The following CSGALNACT1 variants were observed in gnomAD, a reference collection of about 807,000 sequenced individuals.
CSGALNACT1 encodes the protein chondroitin sulfate N-acetylgalactosaminyltransferase 1.
Under a neutral mutation model 51.0 loss-of-function variants are expected in CSGALNACT1, and 52 were observed. The ratio of observed to expected loss-of-function variants is 1.02; its 90% CI spans 0.82 to 1.29. The LOEUF (loss-of-function observed/expected upper bound fraction) is 1.29, where lower values mean the gene tolerates loss of function less well. Ranked by LOEUF, CSGALNACT1 falls within the 50% of genes most tolerant of loss-of-function variation. CSGALNACT1 has a pLI of 0.00. For missense variants in CSGALNACT1, 935 were observed against 679.2 expected (o/e 1.38, Z -4.19); for synonymous variants, 341 against 254.4 (o/e 1.34, Z -3.24).
chr8:19,632,607 C>T (rs2055430347), intron 1 of CSGALNACT1, among the ~76,000 whole-genome samples: 1 of 152,232 alleles, frequency 6.6e-6, no homozygotes, highest in Non-Finnish European at 1.5e-5. Flanking sequence ...TCACTGCAGC[C>T]ATCCCTGTAT....
Position 19,476,518 on chromosome 8 carries a change from A to G in CSGALNACT1, c.635-17876T>C, listed in dbSNP as rs535579039. The stretch of plus-strand genomic sequence containing the variant: ...CACCCTCCCAAAGTGCTGGGGTTAC[A>G]TGTGTGAGTCACCACATCCAGCCTC... On this transcript the variant is annotated intron_variant, in intron 4 of 9. Transcript: ENST00000454498. Among the ~76,000 whole-genome samples, 5 of 152,214 alleles carry G rather than the reference A, an allele frequency of 3.3e-5. No homozygotes were observed. The East Asian group carries it at 7.7e-4, about 24-fold the overall frequency.
intron 4 of CSGALNACT1, among the ~76,000 whole-genome samples, chr8:19,498,428 G>C (rs915362183): frequency 6.6e-6 from 1 of 152,230 alleles, no homozygotes; most frequent in Non-Finnish European, 1.5e-5. Flanking sequence ...GAGAGGCTGA[G>C]CAGCACTGCC....
chr8:19,422,595 C>T (rs1329279470), intron 6 of CSGALNACT1, among the ~76,000 whole-genome samples: 2 of 152,206 alleles, frequency 1.3e-5, no homozygotes, highest in South Asian at 2.1e-4. Flanking sequence ...GGGGGGTGCC[C>T]CCATTGCACA....
At chr8:19,549,197 C>T (rs538876957) in intron 3 of CSGALNACT1, among the ~76,000 whole-genome samples, 1 of 152,148 alleles carries the variant, frequency 6.6e-6, no homozygotes, top group South Asian at 2.1e-4. Context: ...TTTCAACACA[C>T]TTTTCCTCTC....
chr8:19,626,848 A>G (rs886577017), intron 1 of CSGALNACT1, among the ~76,000 whole-genome samples: 3 of 152,182 alleles, frequency 2.0e-5, no homozygotes, highest in Non-Finnish European at 4.4e-5. Context: ...TAAAACCTCA[A>G]TGAGATACCA....
At chr8:19,710,809 C>G (rs957082185) in intron 1 of CSGALNACT1, among the ~76,000 whole-genome samples, 1 of 152,182 alleles carries the variant, frequency 6.6e-6, no homozygotes, top group Non-Finnish European at 1.5e-5. Context: ...CATTTGCGCT[C>G]CTGTTATATT....
chr8:19,437,083 A>G (rs375559101), intron 6 of CSGALNACT1, among the ~76,000 whole-genome samples: 1 of 152,266 alleles, frequency 6.6e-6, no homozygotes, highest in East Asian at 1.9e-4. Flanking sequence ...ATCTAGTTGC[A>G]GACTTAGGAC....
At chr8:19,474,003 A>T (rs1019570132) in intron 4 of CSGALNACT1, among the ~76,000 whole-genome samples, 6 of 152,394 alleles carry the variant, frequency 3.9e-5, no homozygotes, top group African/African-American at 1.4e-4. Flanking sequence ...TCTGAGGACT[A>T]GCTTTTGGAA....
intron 1 of CSGALNACT1, among the ~76,000 whole-genome samples, chr8:19,620,151 A>T (rs767556740): frequency 6.6e-6 from 1 of 151,906 alleles, no homozygotes; most frequent in Non-Finnish European, 1.5e-5. Flanking sequence ...CGTCTCTACT[A>T]AAAATACAAA....
intron 3 of CSGALNACT1, among the ~76,000 whole-genome samples, chr8:19,588,340 C>G (rs1189419210): frequency 6.6e-6 from 1 of 152,146 alleles, no homozygotes; most frequent in East Asian, 1.9e-4. Context: ...TATTAATACT[C>G]CTAATATCAT....
At chr8:19,691,551 T>A (rs1030953156) in intron 1 of CSGALNACT1, among the ~76,000 whole-genome samples, 1 of 152,018 alleles carries the variant, frequency 6.6e-6, no homozygotes, top group South Asian at 2.1e-4. Context: ...GCCCACTGAG[T>A]GGGGCAGCAC....
intron 4 of CSGALNACT1, among the ~76,000 whole-genome samples, chr8:19,479,399 G>C (rs2070723822): frequency 6.6e-6 from 1 of 152,222 alleles, no homozygotes; most frequent in South Asian, 2.1e-4. Flanking sequence ...AAGAGCCATT[G>C]GCGGCCAGTA....
chr8:19,543,726 C>T (rs1001521426), intron 3 of CSGALNACT1, among the ~76,000 whole-genome samples: 1 of 152,214 alleles, frequency 6.6e-6, no homozygotes, highest in Non-Finnish European at 1.5e-5. Context: ...AGACTACACT[C>T]ATCTCTTTTT....
chr8:19,622,641 G>A (rs1303599736), intron 1 of CSGALNACT1, among the ~76,000 whole-genome samples: 1 of 152,164 alleles, frequency 6.6e-6, no homozygotes, highest in African/African-American at 2.4e-5. Context: ...TGTCCAGGAA[G>A]TGGTAAAAGT....
upstream of CSGALNACT1, among the ~76,000 whole-genome samples, chr8:19,685,811 GAGA>G (rs572061946): frequency 7.9e-5 from 12 of 152,162 alleles, no homozygotes; most frequent in Non-Finnish European, 1.2e-4. Flanking sequence ...ACATACCAAC[GAGA>G]AGGAGTGGGA....
intron 1 of CSGALNACT1, among the ~76,000 whole-genome samples, chr8:19,645,551 T>C (rs536692666): frequency 2.0e-5 from 3 of 152,182 alleles, no homozygotes; most frequent in South Asian, 4.1e-4. Flanking sequence ...CAAACACAGA[T>C]AACAAGGAAC....
rs756603032 is a variant in CSGALNACT1, at chr8:19,439,873, C to G, written c.910G>C (p.Glu304Gln). 2.5e-6 allele frequency: 4 copies of G among 1,614,182 alleles called. No homozygotes were observed. In the South Asian group the frequency reaches 3.3e-5, roughly 13 times the overall value. Residue 304 changes from glutamate (E) to glutamine (Q), a missense_variant, in exon 6 of 10, where the codon GAA becomes CAA. Coordinates refer to ENST00000454498, the Ensembl canonical transcript of CSGALNACT1. ...ATTCCTTTGACTTCATTTATTTCTT[C>G]TTTCCCAAAGTAAACAACAGTGAGA...
rs80232071 is a variant in CSGALNACT1 at position 19,594,440 on chromosome 8, T to C, written c.-415-3162A>G. On this transcript the variant is annotated intron_variant, in intron 2 of 9. Transcript: ENST00000454498. ...AATTACAGTGAGACGAACAATAACA[T>C]TGAGACTCAAACACACAAGGACCTC... Among the ~76,000 whole-genome samples the C allele has an allele frequency of 8.0e-3, 1,220 of 152,252 alleles. 17 individuals carry two copies. Among genetic ancestry groups the C allele is most frequent in the African/African-American group, 0.028 (1,152 of 41,546 alleles).
chr8:19,627,611 G>A (rs1436117464), intron 1 of CSGALNACT1, among the ~76,000 whole-genome samples: 1 of 152,088 alleles, frequency 6.6e-6, no homozygotes, highest in Non-Finnish European at 1.5e-5. Flanking sequence ...ATCACTTGAG[G>A]CCAGGAGTTC....
Sources: allele counts gnomAD v4.1 joint callset (sites outside exome capture counted in the v4.1 genomes callset), GRCh38; gene constraint gnomAD v4.1.1; transcripts MANE v1.5; gene names NCBI Gene and HGNC (gene_info 2026-07-23, HGNC 2026-07-21).